CDYL2: variants seen among roughly 807,000 people sequenced by gnomAD.
CDYL2 encodes the protein chromodomain Y like 2, also known as chromodomain Y-like protein 2.
In CDYL2, 23 loss-of-function variants were observed where a neutral mutation model predicts 49.4. The ratio of observed to expected loss-of-function variants is 0.47; its 90% CI spans 0.34 to 0.66. CDYL2 has a LOEUF of 0.66. Among genes scored for constraint, CDYL2 ranks in the 30% least tolerant of loss-of-function variants. CDYL2 has a pLI of 0.01. For synonymous variants in CDYL2, 360 were observed against 268.8 expected (o/e 1.34, Z -3.32); for missense variants, 678 against 656.4 (o/e 1.03, Z -0.36).
chr16:80,646,966 G>A (rs1265297193), intron 2 of CDYL2, among the ~76,000 whole-genome samples: 2 of 150,334 alleles, frequency 1.3e-5, no homozygotes, highest in South Asian at 2.1e-4. Context: ...CTATACTGAT[G>A]TCAGATAAAA....
chr16:80,606,994 A>C (rs555031428), intron 6 of CDYL2, among the ~76,000 whole-genome samples: 1 of 152,218 alleles, frequency 6.6e-6, no homozygotes. Flanking sequence ...CTTTATCAGC[A>C]GCGTGAGAAC....
At chr16:80,691,796 T>C (rs1042649402) in intron 1 of CDYL2, among the ~76,000 whole-genome samples, 1 of 151,668 alleles carries the variant, frequency 6.6e-6, no homozygotes, top group African/African-American at 2.4e-5. Context: ...AAGAGATACA[T>C]GATGAAATGA....
chr16:80,801,818 T>C (rs924335667), intron 1 of CDYL2, among the ~76,000 whole-genome samples: 2 of 152,216 alleles, frequency 1.3e-5, no homozygotes, highest in Non-Finnish European at 1.5e-5. Flanking sequence ...ACTTAGCACT[T>C]CTTAATTGTT....
intron 2 of CDYL2, among the ~76,000 whole-genome samples, chr16:80,665,224 A>G (rs926307506): frequency 2.0e-5 from 3 of 152,142 alleles, no homozygotes; most frequent in Non-Finnish European, 2.9e-5. Flanking sequence ...TCTTTGCCTG[A>G]TCAAGCTCCA....
intron 2 of CDYL2, among the ~76,000 whole-genome samples, chr16:80,669,290 G>A (rs1326679287): frequency 6.6e-6 from 1 of 152,102 alleles, no homozygotes; most frequent in African/African-American, 2.4e-5. Context: ...AGAAGGGGAA[G>A]CAGATACGAC....
At chr16:80,679,805 T>C (rs1909901162) in intron 2 of CDYL2, 3 of 455,728 alleles carry the variant, frequency 6.6e-6, no homozygotes, top group Non-Finnish European at 1.3e-5. Context: ...AGAGCAGTAG[T>C]TCTGAAACTG....
intron 6 of CDYL2, 83 bp downstream of exon 6, chr16:80,608,009 G>A (rs9940301): frequency 0.25 from 350,636 of 1,421,112 alleles, 51,196 homozygotes; most frequent in African/African-American, 0.67. Flanking sequence ...TAGCAAGTCA[G>A]TGAAGCCCTC....
intron 1 of CDYL2, among the ~76,000 whole-genome samples, chr16:80,750,625 G>C (rs995335995): frequency 6.6e-6 from 1 of 151,810 alleles, no homozygotes; most frequent in Non-Finnish European, 1.5e-5. Flanking sequence ...TTAGAGAGGA[G>C]GGAGAAAAAT....
At chr16:80,747,345 C>T (rs1320755620) in intron 1 of CDYL2, among the ~76,000 whole-genome samples, 1 of 151,892 alleles carries the variant, frequency 6.6e-6, no homozygotes, top group African/African-American at 2.4e-5. Flanking sequence ...TTTAACCTCT[C>T]CAAGCCTCAG....
intron 4 of CDYL2, among the ~76,000 whole-genome samples, chr16:80,619,819 C>T (rs1431305352): frequency 6.6e-6 from 1 of 152,206 alleles, no homozygotes; most frequent in Non-Finnish European, 1.5e-5. Flanking sequence ...CAGAATTCCA[C>T]ACACAAGAGC....
chr16:80,658,194 G>A (rs141178985), intron 2 of CDYL2, among the ~76,000 whole-genome samples: 1 of 151,930 alleles, frequency 6.6e-6, no homozygotes, highest in African/African-American at 2.4e-5. Context: ...TGAGTAAAAG[G>A]GATGGGGAAG....
rs184066499 is a variant in CDYL2, at chr16:80,796,524, T to C, written c.24+7626A>G. 2.6e-5 allele frequency among the ~76,000 whole-genome samples: 4 copies of C among 152,320 alleles called. No homozygotes were observed. In the East Asian group the frequency reaches 5.8e-4, roughly 22 times the overall value. ...AATTTTTGTATGACTCCATTACGTA[T>C]GTTCTACTTTTTTCTCCAATTAAAA... On this transcript the variant is annotated intron_variant, in intron 1 of 6. Coordinates refer to ENST00000570137, the MANE Select transcript of CDYL2 (RefSeq NM_152342.4).
intron 1 of CDYL2, among the ~76,000 whole-genome samples, chr16:80,761,635 G>C (rs75209691): frequency 6.3e-4 from 96 of 152,184 alleles, no homozygotes; most frequent in African/African-American, 2.1e-3. Context: ...AGAGAGGCCA[G>C]GAAGACCAGA....
intron 1 of CDYL2, 82 bp downstream of exon 1, chr16:80,804,068 C>G (rs1908019406): frequency 1.1e-6 from 1 of 932,342 alleles, no homozygotes; most frequent in African/African-American, 1.8e-5. Flanking sequence ...GGCCCCGGCC[C>G]CGGCCCGGTC....
intron 1 of CDYL2, among the ~76,000 whole-genome samples, chr16:80,754,577 A>C (rs1451887835): frequency 2.0e-5 from 3 of 152,060 alleles, no homozygotes; most frequent in Admixed American, 6.6e-5. Flanking sequence ...TCTAGCGTCC[A>C]CCCTCCTGGC....
intron 1 of CDYL2, among the ~76,000 whole-genome samples, chr16:80,802,063 C>A (rs985610249): frequency 6.6e-6 from 1 of 152,124 alleles, no homozygotes; most frequent in Non-Finnish European, 1.5e-5. Context: ...TATAAAAACT[C>A]TTGAGATACT....
chr16:80,733,949 T>A (rs1361264679), intron 1 of CDYL2, among the ~76,000 whole-genome samples: 1 of 152,324 alleles, frequency 6.6e-6, no homozygotes, highest in East Asian at 1.9e-4. Context: ...AGTCTACTCC[T>A]CATGGCAAGA....
chr16:80,791,338 T>C (rs1907600850), intron 1 of CDYL2, among the ~76,000 whole-genome samples: 1 of 152,236 alleles, frequency 6.6e-6, no homozygotes, highest in African/African-American at 2.4e-5. Flanking sequence ...AATGAAAGAT[T>C]GAATAAATTA....
chr16:80,612,099 G>A lies in CDYL2; in HGVS notation c.1218+527C>T, dbSNP rs1053744265. Among the ~76,000 whole-genome samples the A allele has an allele frequency of 3.3e-5, 5 of 152,250 alleles. No homozygotes were observed. Among genetic ancestry groups the A allele is most frequent in the Non-Finnish European group, 7.3e-5 (5 of 68,048 alleles). On this transcript the variant is annotated intron_variant, in intron 5 of 6. Coordinates refer to ENST00000570137, the MANE Select transcript of CDYL2 (RefSeq NM_152342.4). This position sits in a 1 kb window ranked among gnomAD's most constrained non-coding sequence, Gnocchi z 5.0. ...CCCTTGCAGGCGCATGTGACCAGAAGCTGAGTCATGGCCAATACCACATGA... is the reference window on the plus strand; with the variant it reads ...CCCTTGCAGGCGCATGTGACCAGAAACTGAGTCATGGCCAATACCACATGA...
Sources: allele counts gnomAD v4.1 joint callset (sites outside exome capture counted in the v4.1 genomes callset), GRCh38; gene constraint gnomAD v4.1.1; non-coding constraint Gnocchi (gnomAD v3.1); transcripts MANE v1.5; gene names NCBI Gene and HGNC (gene_info 2026-07-23, HGNC 2026-07-21).